The following BRINP3 variants were observed in gnomAD, a reference collection of about 807,000 sequenced individuals.
BRINP3 encodes the protein BMP/retinoic acid inducible neural specific 3.
BRINP3 carries 19 observed loss-of-function variants against 71.0 expected under a neutral mutation model. The ratio of observed to expected loss-of-function variants is 0.27; its 90% confidence interval spans 0.19 to 0.39. The LOEUF (loss-of-function observed/expected upper bound fraction) is 0.39, where lower values mean the gene tolerates loss of function less well. Among genes scored for constraint, BRINP3 ranks in the 10% least tolerant of loss-of-function variants. The pLI is 1.00. For missense variants in BRINP3, 959 were observed against 940.8 expected (o/e 1.02, Z -0.25); for synonymous variants, 380 against 337.7 (o/e 1.13, Z -1.37).
At chr1:190,379,190 T>A (rs1046753418) in intron 2 of BRINP3, among the ~76,000 whole-genome samples, 46 of 152,204 alleles carry the variant, frequency 3.0e-4, no homozygotes, top group Non-Finnish European at 4.7e-4. Flanking sequence ...AGATTTTTAT[T>A]ACATGATTTA....
At chr1:190,317,266 A>C (rs747353245) in intron 2 of BRINP3, among the ~76,000 whole-genome samples, 1 of 152,060 alleles carries the variant, frequency 6.6e-6, no homozygotes, top group African/African-American at 2.4e-5. Context: ...CTTCTTGAGA[A>C]GAAATGGGGC....
At chr1:190,456,179 C>A (rs977345380) in intron 1 of BRINP3, among the ~76,000 whole-genome samples, 17 of 152,050 alleles carry the variant, frequency 1.1e-4, no homozygotes, top group African/African-American at 4.1e-4. Flanking sequence ...AGCTATAACC[C>A]CATTATTTGT....
Position 190,473,045 on chromosome 1 carries a change from A to G in BRINP3, c.-51+4403T>C, listed in dbSNP as rs945833945. Among the ~76,000 whole-genome samples the G allele has an allele frequency of 1.4e-4, 22 of 151,932 alleles. 1 individual carries two copies. The highest frequency in any genetic ancestry group is 5.3e-4 in the African/African-American group (22 of 41,436). ...TTAAAAGAAAATGAAATTGATCGTT[A>G]TATGGTATCATGTCTATTTCATTTG... On this transcript the variant is annotated intron_variant, in intron 1 of 7. Transcript: ENST00000367462.
At chr1:190,239,761 T>A (rs1658873982) in intron 4 of BRINP3, among the ~76,000 whole-genome samples, 1 of 152,042 alleles carries the variant, frequency 6.6e-6, no homozygotes, top group African/African-American at 2.4e-5. Context: ...TCTATCTACT[T>A]ACCTGTTTTT....
chr1:190,445,477 CTT>C (rs983325405), intron 2 of BRINP3, among the ~76,000 whole-genome samples: 5 of 151,912 alleles, frequency 3.3e-5, no homozygotes, highest in Admixed American at 2.0e-4. Context: ...TCTTTTGTAA[CTT>C]AGTGAGAAAC....
chr1:190,166,890 G>GT (rs561850172), intron 6 of BRINP3, among the ~76,000 whole-genome samples: 146 of 151,988 alleles, frequency 9.6e-4, no homozygotes, highest in African/African-American at 2.6e-3. Context: ...CTTCCGGCTA[G>GT]TTTTTTATAT....
chr1:190,282,770 A>G (rs1663134521), intron 2 of BRINP3, among the ~76,000 whole-genome samples: 1 of 152,020 alleles, frequency 6.6e-6, no homozygotes, highest in Non-Finnish European at 1.5e-5. Flanking sequence ...AATAAATAAA[A>G]TAAAGACAGA....
At chr1:190,342,824 A>C (rs181848790) in intron 2 of BRINP3, 103 of 151,968 alleles carry the variant, frequency 6.8e-4, no homozygotes, top group African/African-American at 2.5e-3. Flanking sequence ...AAATGAATAA[A>C]TATAGATGTT....
intron 3 of BRINP3, among the ~76,000 whole-genome samples, chr1:190,266,332 C>G (rs1468646778): frequency 6.6e-6 from 1 of 152,108 alleles, no homozygotes; most frequent in Non-Finnish European, 1.5e-5. Flanking sequence ...TAAGTAAGAG[C>G]TCTTACATGT....
intron 3 of BRINP3, among the ~76,000 whole-genome samples, chr1:190,270,755 G>A (rs1286509249): frequency 6.6e-6 from 1 of 151,458 alleles, no homozygotes; most frequent in Non-Finnish European, 1.5e-5. Flanking sequence ...GAAGTAATTG[G>A]TAAGTTCATA....
chr1:190,109,958 T>C (rs1051298951), intron 7 of BRINP3, among the ~76,000 whole-genome samples: 16 of 152,228 alleles, frequency 1.1e-4, no homozygotes, highest in Non-Finnish European at 1.5e-4. Flanking sequence ...TGTGGGACTT[T>C]TCAGCCTCTT....
At chr1:190,468,141 G>A (rs930597918) in intron 1 of BRINP3, among the ~76,000 whole-genome samples, 1 of 151,216 alleles carries the variant, frequency 6.6e-6, no homozygotes, top group Non-Finnish European at 1.5e-5. Flanking sequence ...CAGATCTTGA[G>A]CAAATTGTCT....
At chr1:190,475,473 C>T (rs1389440647) in intron 1 of BRINP3, among the ~76,000 whole-genome samples, 2 of 152,142 alleles carry the variant, frequency 1.3e-5, no homozygotes, top group Admixed American at 1.3e-4. Flanking sequence ...AGCACACGTT[C>T]GCTGCAGGGG....
chr1:190,126,572 T>G (rs1197789522), intron 7 of BRINP3, among the ~76,000 whole-genome samples: 2 of 151,944 alleles, frequency 1.3e-5, no homozygotes, highest in African/African-American at 4.8e-5. Flanking sequence ...AATTCCCAGT[T>G]CACTGACGAT....
intron 2 of BRINP3, among the ~76,000 whole-genome samples, chr1:190,381,123 T>C (rs1670521735): frequency 6.6e-6 from 1 of 152,148 alleles, no homozygotes; most frequent in Non-Finnish European, 1.5e-5. Flanking sequence ...TACCCCATGA[T>C]ATCATGTTGC....
intron 2 of BRINP3, among the ~76,000 whole-genome samples, chr1:190,377,749 T>C (rs1008375753): frequency 6.6e-6 from 1 of 151,610 alleles, no homozygotes; most frequent in Non-Finnish European, 1.5e-5. Flanking sequence ...ATGAAAAATC[T>C]GAAAATGAAA....
chr1:190,400,998 AC>A (rs1671881814), intron 2 of BRINP3, among the ~76,000 whole-genome samples: 1 of 152,110 alleles, frequency 6.6e-6, no homozygotes, highest in Admixed American at 6.5e-5. Context: ...AAACAACCAA[AC>A]TTTTTGCCTG....
chr1:190,166,280 T>C (rs1490910245), intron 6 of BRINP3, among the ~76,000 whole-genome samples: 1 of 152,182 alleles, frequency 6.6e-6, no homozygotes, highest in Non-Finnish European at 1.5e-5. Context: ...AGATTCTAAT[T>C]CCTTAGTAGC....
chr1:190,402,927 A>G (rs1174269632), intron 2 of BRINP3, among the ~76,000 whole-genome samples: 1 of 151,930 alleles, frequency 6.6e-6, no homozygotes, highest in Non-Finnish European at 1.5e-5. Context: ...GTGTTTTGCT[A>G]TGTTGCCCAG....
Sources: gnomAD v4.1 joint callset for allele counts (sites outside exome capture counted in the v4.1 genomes callset) on GRCh38, gnomAD v4.1.1 for gene constraint, MANE v1.5 for transcripts, NCBI Gene and HGNC (gene_info 2026-07-23, HGNC 2026-07-21) for gene names.